Variants in FGGY observed in about 807,000 individuals in gnomAD.
The protein encoded by FGGY is FGGY carbohydrate kinase domain containing.
In FGGY, 72 loss-of-function variants were observed where a neutral mutation model predicts 71.3. That is an observed-to-expected ratio of 1.01 (90% CI 0.84 to 1.23). The LOEUF (loss-of-function observed/expected upper bound fraction) is 1.23, where lower values mean the gene tolerates loss of function less well. Among genes scored for constraint, FGGY ranks in the 50% most tolerant of loss-of-function variants. The probability of loss-of-function intolerance (pLI) is 0.00; values close to 1 mark genes in which losing one functional copy is unlikely to be tolerated. For missense variants in FGGY, 668 were observed against 682.3 expected, an observed-to-expected ratio of 0.98 and a Z score of 0.23; for synonymous variants, 251 against 250.3, an observed-to-expected ratio of 1.00 and a Z score of -0.02.
intron 10 of FGGY, among the ~76,000 whole-genome samples, chr1:59,633,296 C>T (rs554978948): frequency 2.6e-5 from 4 of 152,184 alleles, no homozygotes; most frequent in Non-Finnish European, 5.9e-5. Flanking sequence ...AGGTGTGAGC[C>T]ACTGCGCCCG....
intron 1 of FGGY, among the ~76,000 whole-genome samples, chr1:59,305,119 G>T (rs1400368158): frequency 6.6e-6 from 1 of 152,056 alleles, no homozygotes; most frequent in African/African-American, 2.4e-5. Context: ...GTAAGAGTGG[G>T]CATTCTCTCT....
intron 14 of FGGY, among the ~76,000 whole-genome samples, chr1:59,727,361 A>G (rs7543301): frequency 0.98 from 149,949 of 152,318 alleles, 73,836 homozygotes; most frequent in East Asian, 1. Context: ...ATGCGAGTGC[A>G]TGTGTCTTTT....
intron 4 of FGGY, among the ~76,000 whole-genome samples, chr1:59,375,162 A>T (rs950786784): frequency 1.3e-5 from 2 of 148,880 alleles, no homozygotes; most frequent in Non-Finnish European, 3.0e-5. Flanking sequence ...CGGGAGGCTG[A>T]GGCAGGAGAA....
intron 11 of FGGY, among the ~76,000 whole-genome samples, chr1:59,643,728 TTACTC>T (rs1366552002): frequency 2.0e-5 from 3 of 152,196 alleles, no homozygotes; most frequent in Admixed American, 6.5e-5. Flanking sequence ...TGTTTTAAAT[TTACTC>T]TATAGGAAAA....
At chr1:59,457,337 A>G (rs57335239) in intron 6 of FGGY, among the ~76,000 whole-genome samples, 11,473 of 152,220 alleles carry the variant, frequency 0.075, 1,478 homozygotes, top group African/African-American at 0.26. Flanking sequence ...TGCGCTGGGC[A>G]TGGTGGCTCA....
intron 7 of FGGY, among the ~76,000 whole-genome samples, chr1:59,546,950 C>CTTTT (rs761977942): frequency 1.0e-4 from 12 of 115,204 alleles, no homozygotes; most frequent in Non-Finnish European, 1.6e-4. Flanking sequence ...ACCTTTTTGA[C>CTTTT]TTTTTTTTTT....
intron 8 of FGGY, among the ~76,000 whole-genome samples, chr1:59,559,250 A>G (rs1317665043): frequency 6.6e-6 from 1 of 152,218 alleles, no homozygotes; most frequent in Non-Finnish European, 1.5e-5. Context: ...AAATCTTCAC[A>G]ATTTATGTTC....
chr1:59,590,932 T>C (rs747466394), intron 8 of FGGY, among the ~76,000 whole-genome samples: 25 of 152,202 alleles, frequency 1.6e-4, no homozygotes, highest in Non-Finnish European at 3.5e-4. Context: ...TTGGAAATTC[T>C]GGCCAGGGCA....
intron 14 of FGGY, among the ~76,000 whole-genome samples, chr1:59,742,910 G>A (rs771549792): frequency 6.6e-6 from 1 of 152,166 alleles, no homozygotes; most frequent in African/African-American, 2.4e-5. Context: ...CTTTTGAATG[G>A]TTTCCTTGCC....
At chr1:59,703,026 T>A (rs941382728) in intron 14 of FGGY, among the ~76,000 whole-genome samples, 6 of 152,220 alleles carry the variant, frequency 3.9e-5, no homozygotes, top group African/African-American at 1.4e-4. Context: ...AGAATTTGGC[T>A]ATTCCTGATG....
chr1:59,496,038 A>T (rs944029082), intron 6 of FGGY, among the ~76,000 whole-genome samples: 3 of 152,154 alleles, frequency 2.0e-5, no homozygotes, highest in African/African-American at 7.2e-5. Context: ...TGGCAGTTTG[A>T]TGGGAATAGC....
chr1:59,662,720 G>A (rs933917824), intron 12 of FGGY, among the ~76,000 whole-genome samples: 30 of 152,118 alleles, frequency 2.0e-4, no homozygotes, highest in Non-Finnish European at 2.4e-4. Flanking sequence ...ATACCATGCC[G>A]TATAAGTTTG....
intron 14 of FGGY, among the ~76,000 whole-genome samples, chr1:59,705,017 T>C (rs1008631447): frequency 1.3e-5 from 2 of 152,216 alleles, no homozygotes; most frequent in African/African-American, 4.8e-5. Context: ...TCCCCATTAC[T>C]AGTAAGAATG....
At chr1:59,713,769 G>T (rs962428610) in intron 14 of FGGY, among the ~76,000 whole-genome samples, 3 of 152,166 alleles carry the variant, frequency 2.0e-5, no homozygotes, top group African/African-American at 7.2e-5. Context: ...CAAGAAGATG[G>T]CCCTTCCCAC....
At chr1:59,584,561 T>A (rs1342746901) in intron 8 of FGGY, among the ~76,000 whole-genome samples, 1 of 149,936 alleles carries the variant, frequency 6.7e-6, no homozygotes, top group Non-Finnish European at 1.5e-5. Context: ...ACAGCCAATA[T>A]CATACTGAAT....
intron 6 of FGGY, among the ~76,000 whole-genome samples, chr1:59,488,032 T>G (rs2093706456): frequency 6.6e-6 from 1 of 152,212 alleles, no homozygotes; most frequent in Non-Finnish European, 1.5e-5. Context: ...TTTGTGCCAT[T>G]TTAACGCAGT....
chr1:59,467,940 G>T lies in FGGY; in HGVS notation c.670+10864G>T, dbSNP rs1311034658. 9.4e-5 allele frequency among the ~76,000 whole-genome samples: 14 copies of T among 148,544 alleles called. 1 individual carries two copies. The highest frequency in any genetic ancestry group is 3.6e-3 in the Middle Eastern group (1 of 280). On this transcript the variant is annotated intron_variant, in intron 6 of 15. Coordinates refer to ENST00000303721, the MANE Select transcript of FGGY (RefSeq NM_018291.5). ...TTTTTTGAGATGTAGTTTCTCTCTT[G>T]TTGCCCAGGCTGGAATGCAAGGGCA... is the stretch of plus-strand genomic sequence containing the variant.
chr1:59,638,426 C>A, intron 11 of FGGY, 51 bp downstream of exon 11: 1 of 1,589,352 alleles, frequency 6.3e-7, no homozygotes, highest in East Asian at 2.2e-5. Context: ...CAAAGGGCTA[C>A]AAAGTTTGGA....
chr1:59,378,796 C>G lies in FGGY; in HGVS notation c.513C>G (p.Leu171=). The change falls in exon 5 of 16, where the codon CTC becomes CTG. Residue 171 remains leucine (L), a synonymous_variant. Transcript: ENST00000303721. ...ATAAGGCGGGACATTTCTTTGATCT[C>G]CCGGACTTCTTATCGTGGAAGGCAA... ...CWDKAGHFFD[L]PDFLSWKATG... 5 of 1,613,528 alleles carry G rather than the reference C, an allele frequency of 3.1e-6. No individual in the cohort carries two copies. Among genetic ancestry groups the G allele is most frequent in the Non-Finnish European group, 4.2e-6 (5 of 1,179,654 alleles).
Sources: gnomAD v4.1 joint callset for allele counts (sites outside exome capture counted in the v4.1 genomes callset) on GRCh38, gnomAD v4.1.1 for gene constraint, MANE v1.5 for transcripts, NCBI Gene and HGNC (gene_info 2026-07-23, HGNC 2026-07-21) for gene names.